Variants in NXN observed in about 807,000 individuals in gnomAD.
NXN encodes nucleoredoxin.
Under a neutral mutation model 48.6 loss-of-function variants are expected in NXN, and 16 were observed. The observed-to-expected ratio is 0.33, with a 90% CI of 0.22 to 0.50. NXN has a LOEUF of 0.50. Among genes scored for constraint, NXN ranks in the 20% least tolerant of loss-of-function variants. The pLI is 0.98. For missense variants in NXN, 492 were observed against 605.5 expected (o/e 0.81, Z 1.97); for synonymous variants, 281 against 269.6 (o/e 1.04, Z -0.41).
chr17:843,906 A>G (rs990787140), intron 1 of NXN, among the ~76,000 whole-genome samples: 3 of 152,208 alleles, frequency 2.0e-5, no homozygotes, highest in African/African-American at 7.2e-5. Context: ...TCTTTCCAGA[A>G]CCCGTGAGAC....
chr17:934,806 G>A (rs972597620), intron 1 of NXN, among the ~76,000 whole-genome samples: 4 of 151,902 alleles, frequency 2.6e-5, no homozygotes, highest in Admixed American at 6.6e-5. Context: ...CCCGGGAGGC[G>A]GAGGGTGCAG....
chr17:822,513 C>T (rs954672605), intron 3 of NXN, 56 bp from the exon 4 acceptor site: 1 of 1,325,530 alleles, frequency 7.5e-7, no homozygotes, highest in Non-Finnish European at 1.1e-6. Context: ...ACCTCCCAGC[C>T]ACTCACCATC....
Position 825,004 on chromosome 17 carries a change from C to T in NXN, c.478+957G>A, listed in dbSNP as rs553721089. 5.3e-5 allele frequency among the ~76,000 whole-genome samples: 8 copies of T among 152,032 alleles called. No homozygotes were observed. The highest frequency in any genetic ancestry group is 1.3e-4 in the Admixed American group (2 of 15,260). On this transcript the variant is annotated intron_variant, in intron 2 of 7. Coordinates refer to ENST00000336868, the MANE Select transcript of NXN (RefSeq NM_022463.5). This position sits in a 1 kb window ranked among gnomAD's most constrained non-coding sequence, Gnocchi z 4.1. ...CAGCACTTTGGGAGGCCGAGGTGGG[C>T]GGATTGCTTGAGCTCAAAAGTTTTG...
intron 1 of NXN, among the ~76,000 whole-genome samples, chr17:847,501 C>A (rs933136615): frequency 4.6e-5 from 7 of 152,166 alleles, no homozygotes; most frequent in African/African-American, 1.7e-4. Context: ...CGGTCCACAG[C>A]GGTAATGTCA....
chr17:923,726 T>A (rs140455819), intron 1 of NXN, among the ~76,000 whole-genome samples: 1 of 152,156 alleles, frequency 6.6e-6, no homozygotes, highest in African/African-American at 2.4e-5. Flanking sequence ...CCAAAACATA[T>A]GTAACTAGAA....
intron 1 of NXN, among the ~76,000 whole-genome samples, chr17:840,608 G>A (rs1914109137): frequency 6.6e-6 from 1 of 152,088 alleles, no homozygotes; most frequent in Non-Finnish European, 1.5e-5. Context: ...CAAAGTGCTG[G>A]GATTACAGGC....
intron 5 of NXN, among the ~76,000 whole-genome samples, chr17:806,772 A>G (rs1911557826): frequency 6.6e-6 from 1 of 152,130 alleles, no homozygotes; most frequent in Admixed American, 6.5e-5. Context: ...TGCTGCGGCC[A>G]CCAGCACCGC....
chr17:906,430 G>A (rs534555131), intron 1 of NXN, among the ~76,000 whole-genome samples: 19 of 152,278 alleles, frequency 1.2e-4, no homozygotes, highest in African/African-American at 4.6e-4. Context: ...CTCTGGTCAA[G>A]TCACTTAACC....
chr17:831,720 G>C lies in NXN; in HGVS notation c.361-5642C>G, dbSNP rs185466618. Among the ~76,000 whole-genome samples, 94 of 151,878 alleles carry C rather than the reference G, an allele frequency of 6.2e-4. No homozygotes were observed. In the Middle Eastern group the frequency reaches 0.01, roughly 16 times the overall value. Reference sequence around the variant, plus strand: ...TCACCCTGTTGGCCAGGCTGGTTTGGAACTCCTGACCTCAGGTGATCCAAG... The same window carrying C: ...TCACCCTGTTGGCCAGGCTGGTTTGCAACTCCTGACCTCAGGTGATCCAAG... On this transcript the variant is annotated intron_variant, in intron 1 of 7. Coordinates refer to ENST00000336868, the MANE Select transcript of NXN (RefSeq NM_022463.5).
intron 1 of NXN, among the ~76,000 whole-genome samples, chr17:951,175 TAAAAA>T (rs59266525): frequency 5.6e-4 from 32 of 56,770 alleles, no homozygotes; most frequent in East Asian, 4.1e-3. Flanking sequence ...TGTCTCTACT[TAAAAA>T]AAAAAAAAAA....
At chr17:811,624 C>A (rs1912014579) in intron 5 of NXN, among the ~76,000 whole-genome samples, 1 of 152,138 alleles carries the variant, frequency 6.6e-6, no homozygotes, top group Non-Finnish European at 1.5e-5. Context: ...GGTCACACAG[C>A]CCGGCTCAGC....
At chr17:863,908 T>C (rs2144786722) in intron 1 of NXN, 1 of 1,434,204 alleles carries the variant, frequency 7.0e-7, no homozygotes, top group Admixed American at 2.0e-5. Context: ...TAGAGGTTTA[T>C]GTCAGGCTCA....
At chr17:952,073 G>A (rs1198278820) in intron 1 of NXN, among the ~76,000 whole-genome samples, 1 of 152,160 alleles carries the variant, frequency 6.6e-6, no homozygotes, top group African/African-American at 2.4e-5. Flanking sequence ...TGTGGGGGGC[G>A]GTGGTGGTTG....
intron 1 of NXN, among the ~76,000 whole-genome samples, chr17:891,614 C>T (rs1488263230): frequency 1.3e-5 from 2 of 152,204 alleles, no homozygotes; most frequent in Non-Finnish European, 2.9e-5. Flanking sequence ...CACGGGGGAC[C>T]TCAACCCAAG....
chr17:870,593 A>G (rs895886727), intron 1 of NXN, among the ~76,000 whole-genome samples: 11 of 151,994 alleles, frequency 7.2e-5, no homozygotes, highest in African/African-American at 2.4e-5. Flanking sequence ...AAAAAAAGTA[A>G]TAATACAAAT....
chr17:936,937 T>C (rs1392616783), intron 1 of NXN, among the ~76,000 whole-genome samples: 4 of 151,892 alleles, frequency 2.6e-5, no homozygotes, highest in African/African-American at 9.7e-5. Context: ...GTACGGTGGC[T>C]CACGCCTGTA....
chr17:913,325 C>T (rs1280712745), intron 1 of NXN, among the ~76,000 whole-genome samples: 1 of 152,174 alleles, frequency 6.6e-6, no homozygotes, highest in Admixed American at 6.6e-5. Flanking sequence ...CCCCCACAGC[C>T]CAGGATGGCC....
In NXN at chr17:920,067, T is replaced by C. The variant is rs2068730551; in HGVS notation, c.360+59252A>G. ...TCTTCGAGCCACCACGCGGTGCAAA[T>C]GTTTGTATTTTTGGTGGAGACAAGG... On this transcript the variant is annotated intron_variant, in intron 1 of 7. Coordinates refer to ENST00000336868, the MANE Select transcript of NXN (RefSeq NM_022463.5). This position sits in a 1 kb window ranked among gnomAD's most constrained non-coding sequence, Gnocchi z 4.6. Among the ~76,000 whole-genome samples, 1 of 152,044 alleles carries C rather than the reference T, an allele frequency of 6.6e-6. No homozygotes were observed. The highest frequency in any genetic ancestry group is 1.5e-5 in the Non-Finnish European group (1 of 68,008).
intron 1 of NXN, among the ~76,000 whole-genome samples, chr17:865,568 G>T (rs1017242332): frequency 3.3e-5 from 5 of 151,968 alleles, no homozygotes; most frequent in African/African-American, 1.2e-4. Flanking sequence ...ATAAAGCAAT[G>T]ACAGTCTCTC....
Sources: allele counts gnomAD v4.1 joint callset (sites outside exome capture counted in the v4.1 genomes callset), GRCh38; gene constraint gnomAD v4.1.1; non-coding constraint Gnocchi (gnomAD v3.1); transcripts MANE v1.5; gene names NCBI Gene and HGNC (gene_info 2026-07-23, HGNC 2026-07-21).